Variants in CPM observed in about 807,000 individuals in gnomAD.
The protein encoded by CPM is renal carboxypeptidase.
A neutral mutation model predicts 46.4 loss-of-function variants in CPM; 35 were observed. The ratio of observed to expected loss-of-function variants is 0.75; its 90% CI spans 0.58 to 1.00. CPM has a LOEUF of 1.00. CPM is among the 50% of genes least tolerant of loss of function. The pLI, the probability that CPM is intolerant of heterozygous loss-of-function variation, is 0.00. For synonymous variants in CPM, 195 were observed against 195.3 expected (o/e 1.00, Z 0.01); for missense variants, 422 against 530.4 (o/e 0.80, Z 2.01).
chr12:68,946,761 A>G (rs1888854671), intron 1 of CPM, among the ~76,000 whole-genome samples: 1 of 152,236 alleles, frequency 6.6e-6, no homozygotes, highest in Non-Finnish European at 1.5e-5. Context: ...GCAAATAGCG[A>G]TACTACCATA....
chr12:68,870,958 G>A (rs897618745), intron 4 of CPM, among the ~76,000 whole-genome samples: 1 of 150,268 alleles, frequency 6.7e-6, no homozygotes, highest in African/African-American at 2.5e-5. Context: ...CTTGTGAAAC[G>A]TGGAACAGCC....
chr12:68,930,787 T>C (rs1302918944), intron 2 of CPM, among the ~76,000 whole-genome samples: 1 of 152,216 alleles, frequency 6.6e-6, no homozygotes, highest in Admixed American at 6.5e-5. Context: ...CAACTGCTGA[T>C]TCATATTAGG....
At chr12:68,955,572 G>T (rs1361810056) in intron 1 of CPM, among the ~76,000 whole-genome samples, 1 of 152,140 alleles carries the variant, frequency 6.6e-6, no homozygotes, top group African/African-American at 2.4e-5. Flanking sequence ...TGGGTCCTGA[G>T]TTCTTGTGCT....
chr12:68,889,326 T>C (rs1241834171), intron 2 of CPM, among the ~76,000 whole-genome samples: 1 of 152,220 alleles, frequency 6.6e-6, no homozygotes, highest in Non-Finnish European at 1.5e-5. Context: ...TGCACTACCA[T>C]TTATTCAATC....
chr12:68,930,332 T>A (rs1347926186), intron 2 of CPM, among the ~76,000 whole-genome samples: 3 of 152,258 alleles, frequency 2.0e-5, no homozygotes, highest in Non-Finnish European at 4.4e-5. Flanking sequence ...TCCTCCCGCC[T>A]CGGCCTCCCA....
At chr12:68,844,248 C>G (rs183015384) in intron 5 of CPM, 38 of 213,994 alleles carry the variant, frequency 1.8e-4, no homozygotes, top group African/African-American at 8.3e-4. Flanking sequence ...ATTTGAATAT[C>G]ATATATTTGG....
chr12:68,900,564 T>G (rs1201149937), intron 2 of CPM, among the ~76,000 whole-genome samples: 1 of 152,182 alleles, frequency 6.6e-6, no homozygotes, highest in Non-Finnish European at 1.5e-5. Flanking sequence ...CTTACGTCCA[T>G]ATAAAAATTA....
chr12:68,904,129 C>T (rs553396402), intron 2 of CPM, among the ~76,000 whole-genome samples: 1 of 152,298 alleles, frequency 6.6e-6, no homozygotes, highest in Non-Finnish European at 1.5e-5. Context: ...ATCCCACCGC[C>T]TTGGCCCCTG....
rs533536868 is a variant in CPM at position 68,909,851 on chromosome 12, C to G, written c.160+22827G>C. On this transcript the variant is annotated intron_variant, in intron 2 of 8. Coordinates refer to ENST00000551568, the MANE Select transcript of CPM (RefSeq NM_198320.5). ...GGCCTGTTGGGGGGTGGGGGGGCTA[C>G]GGGAGGGATAACATTAGGAGAAATA... Among the ~76,000 whole-genome samples the G allele has an allele frequency of 6.8e-3, 996 of 146,726 alleles. 16 individuals carry two copies. The highest frequency in any genetic ancestry group is 0.019 in the African/African-American group (728 of 39,334).
chr12:68,934,189 G>C (rs1592709957), upstream of CPM, among the ~76,000 whole-genome samples: 3 of 151,886 alleles, frequency 2.0e-5, no homozygotes, highest in South Asian at 6.2e-4. Context: ...TTGGGGGCCC[G>C]TGTCAAGGTC....
Position 68,947,622 on chromosome 12 carries a change from T to A in CPM, c.-3-14782A>T, listed in dbSNP as rs528793229. Among the ~76,000 whole-genome samples, 5 of 151,188 alleles carry A rather than the reference T, an allele frequency of 3.3e-5. No homozygotes were observed. The South Asian group carries it at 1.0e-3, about 32-fold the overall frequency. On this transcript the variant is annotated intron_variant, in intron 1 of 8. Transcript: ENST00000546373. ...AAAAAAAAAAAAAGAAAAGAAAGAATTTTTATATAATGACTAATTTTATTT... is the reference window on the plus strand; with the variant it reads ...AAAAAAAAAAAAAGAAAAGAAAGAAATTTTATATAATGACTAATTTTATTT...
chr12:68,887,640 C>G (rs1886487487), intron 2 of CPM, among the ~76,000 whole-genome samples: 1 of 152,178 alleles, frequency 6.6e-6, no homozygotes, highest in African/African-American at 2.4e-5. Flanking sequence ...TATCCAGGCA[C>G]TGAACCTGGG....
intron 1 of CPM, among the ~76,000 whole-genome samples, chr12:68,944,371 TA>T (rs903978244): frequency 6.6e-6 from 1 of 152,172 alleles, no homozygotes; most frequent in African/African-American, 2.4e-5. Flanking sequence ...GAAAGAAAAT[TA>T]CAGGATATTA....
At chr12:68,919,432 T>C (rs1887945237) in intron 2 of CPM, among the ~76,000 whole-genome samples, 1 of 152,236 alleles carries the variant, frequency 6.6e-6, no homozygotes, top group Admixed American at 6.5e-5. Context: ...TATTTGCTCA[T>C]GACTCTGTCT....
At chr12:68,938,717 C>T (rs916924884) in intron 1 of CPM, among the ~76,000 whole-genome samples, 1 of 151,658 alleles carries the variant, frequency 6.6e-6, no homozygotes, top group African/African-American at 2.4e-5. Context: ...AGAGTAAGCA[C>T]AGTTCAAGTT....
At chr12:68,919,519 A>G (rs1310761219) in intron 2 of CPM, among the ~76,000 whole-genome samples, 2 of 152,230 alleles carry the variant, frequency 1.3e-5, no homozygotes, top group Non-Finnish European at 2.9e-5. Context: ...AAGAGCTCTC[A>G]GTGTAAAAAA....
chr12:68,892,818 G>A (rs1210176862), intron 2 of CPM, among the ~76,000 whole-genome samples: 1 of 151,982 alleles, frequency 6.6e-6, no homozygotes, highest in Non-Finnish European at 1.5e-5. Flanking sequence ...ACTTCAGCCT[G>A]GGCAACAAAA....
At chr12:68,916,855 T>G (rs1338051765) in intron 2 of CPM, among the ~76,000 whole-genome samples, 1 of 134,576 alleles carries the variant, frequency 7.4e-6, no homozygotes, top group Non-Finnish European at 1.5e-5. Flanking sequence ...ACCATTGCAC[T>G]CCAGCCTGGG....
At chr12:68,889,454 C>A (rs1187516917) in intron 2 of CPM, among the ~76,000 whole-genome samples, 1 of 152,168 alleles carries the variant, frequency 6.6e-6, no homozygotes. Flanking sequence ...AAAAAGAATG[C>A]AAAATTATAT....
Sources: gnomAD v4.1 joint callset for allele counts (sites outside exome capture counted in the v4.1 genomes callset) on GRCh38, gnomAD v4.1.1 for gene constraint, MANE v1.5 for transcripts, NCBI Gene and HGNC (gene_info 2026-07-23, HGNC 2026-07-21) for gene names.